The following GALNT13 variants were observed in gnomAD, a reference collection of about 807,000 sequenced individuals.
GALNT13 encodes polypeptide N-acetylgalactosaminyltransferase 13, also known as UDP-GalNAc:polypeptide N-acetylgalactosaminyltransferase 13.
Under a neutral mutation model 64.2 loss-of-function variants are expected in GALNT13, and 28 were observed. That is an observed-to-expected ratio of 0.44 (90% CI 0.32 to 0.60). The LOEUF is 0.60. Ranked by LOEUF, GALNT13 falls within the 20% of genes least tolerant of loss-of-function variation. The probability of loss-of-function intolerance (pLI) is 0.05; values close to 1 mark genes in which losing one functional copy is unlikely to be tolerated. For missense variants in GALNT13, 577 were observed against 669.8 expected, an observed-to-expected ratio of 0.86 and a Z score of 1.53; for synonymous variants, 214 against 224.6, an observed-to-expected ratio of 0.95 and a Z score of 0.42.
chr2:153,250,210 A>G, the GALNT13 span, among the ~76,000 whole-genome samples: 1 of 152,238 alleles, frequency 6.6e-6, no homozygotes, highest in Admixed American at 6.5e-5. Context: ...AACCCCATCA[A>G]AAAGTGGGCA....
chr2:154,304,025 A>G (rs1485144884), intron 9 of GALNT13, among the ~76,000 whole-genome samples: 1 of 152,088 alleles, frequency 6.6e-6, no homozygotes, highest in Non-Finnish European at 1.5e-5. Flanking sequence ...GAGTGCTGTG[A>G]TTACAGGCTT....
Position 154,452,768 on chromosome 2 carries a change from A to G in GALNT13, c.*2217A>G, listed in dbSNP as rs181701110. 12 of 152,312 alleles carry G rather than the reference A, an allele frequency of 7.9e-5. No homozygotes were observed. The highest frequency in any genetic ancestry group is 7.9e-4 in the Admixed American group (12 of 15,282). The allele number at this position is 152,312 out of a possible 1,614,324, so 9.4% of individuals were successfully genotyped here. A position where few individuals can be genotyped will look rare whatever the true frequency, so the allele number is the denominator to read the frequency against. Reference sequence around the variant, plus strand: ...CAAAAAGTGGCATAAAATATTACAAAACATCCAACACTAGAAAGCAATGAC... The same window carrying G: ...CAAAAAGTGGCATAAAATATTACAAGACATCCAACACTAGAAAGCAATGAC... On this transcript the variant is annotated 3_prime_UTR_variant, in exon 13 of 13. Coordinates refer to ENST00000392825, the MANE Select transcript of GALNT13 (RefSeq NM_052917.4).
the GALNT13 span, among the ~76,000 whole-genome samples, chr2:153,154,981 A>G: frequency 6.6e-6 from 1 of 152,222 alleles, no homozygotes; most frequent in Admixed American, 6.5e-5. Context: ...TCTATTGAGA[A>G]AATCATGTGG....
the GALNT13 span, among the ~76,000 whole-genome samples, chr2:153,276,780 A>G: frequency 1.3e-5 from 2 of 152,098 alleles, no homozygotes; most frequent in Non-Finnish European, 2.9e-5. Flanking sequence ...TGAATTATTT[A>G]TATATTCTAG....
the GALNT13 span, among the ~76,000 whole-genome samples, chr2:153,766,569 T>C: frequency 8.5e-5 from 13 of 152,156 alleles, 1 homozygote; most frequent in African/African-American, 2.4e-4. Context: ...CTTGGCTTAT[T>C]TTACTGGTTA....
chr2:153,899,933 A>T (rs201487471), intron 1 of GALNT13, among the ~76,000 whole-genome samples: 14,507 of 85,860 alleles, frequency 0.17, 1,422 homozygotes, highest in Non-Finnish European at 0.25. Context: ...ATATATATAT[A>T]TATTTTTTTT....
chr2:153,669,871 C>T, the GALNT13 span, among the ~76,000 whole-genome samples: 1 of 151,746 alleles, frequency 6.6e-6, no homozygotes, highest in Non-Finnish European at 1.5e-5. Context: ...AGATTCCCTC[C>T]TGTGCCTGGC....
At chr2:153,671,393 T>C in the GALNT13 span, among the ~76,000 whole-genome samples, 2 of 152,118 alleles carry the variant, frequency 1.3e-5, no homozygotes, top group African/African-American at 4.8e-5. Flanking sequence ...TGGGGGCCAA[T>C]ATTCAACATT....
the GALNT13 span, among the ~76,000 whole-genome samples, chr2:153,483,567 G>T: frequency 6.6e-6 from 1 of 151,678 alleles, no homozygotes; most frequent in Non-Finnish European, 1.5e-5. Context: ...CAGGTATGAG[G>T]CACCATGCCC....
chr2:154,363,999 C>T (rs1257770063), intron 9 of GALNT13, among the ~76,000 whole-genome samples: 1 of 152,138 alleles, frequency 6.6e-6, no homozygotes, highest in African/African-American at 2.4e-5. Context: ...AAAAATCCAT[C>T]ATCCTTGAAT....
the GALNT13 span, among the ~76,000 whole-genome samples, chr2:153,646,864 T>C: frequency 6.6e-6 from 1 of 152,174 alleles, no homozygotes; most frequent in African/African-American, 2.4e-5. Context: ...AGTCTATCAT[T>C]GTTGGACATT....
chr2:154,189,335 A>G (rs1196535596), intron 4 of GALNT13, among the ~76,000 whole-genome samples: 4 of 152,154 alleles, frequency 2.6e-5, no homozygotes, highest in African/African-American at 9.7e-5. Flanking sequence ...CTAACTTCCA[A>G]TGTCACTGTA....
chr2:153,910,412 G>GT (rs1268241525), intron 2 of GALNT13, among the ~76,000 whole-genome samples: 6 of 151,952 alleles, frequency 3.9e-5, no homozygotes, highest in South Asian at 2.1e-4. Context: ...CTTTTGAATG[G>GT]TTTTTTTATG....
At chr2:153,161,062 A>C in the GALNT13 span, among the ~76,000 whole-genome samples, 1 of 152,180 alleles carries the variant, frequency 6.6e-6, no homozygotes, top group Non-Finnish European at 1.5e-5. Flanking sequence ...TGCCATTTGA[A>C]CCACATTGTT....
chr2:153,853,478 A>T, the GALNT13 span, among the ~76,000 whole-genome samples: 1 of 152,160 alleles, frequency 6.6e-6, no homozygotes, highest in African/African-American at 2.4e-5. Context: ...ATAAATTGTC[A>T]TATAAATTAT....
At chr2:153,572,103 T>C in the GALNT13 span, among the ~76,000 whole-genome samples, 1 of 151,886 alleles carries the variant, frequency 6.6e-6, no homozygotes, top group East Asian at 1.9e-4. Context: ...GAGACTTTGT[T>C]ATCCCTTCGA....
chr2:153,913,658 G>A (rs1242653998), intron 2 of GALNT13, among the ~76,000 whole-genome samples: 1 of 152,212 alleles, frequency 6.6e-6, no homozygotes, highest in Non-Finnish European at 1.5e-5. Context: ...AGAGGGCTGT[G>A]ATGAGAGCAG....
the GALNT13 span, among the ~76,000 whole-genome samples, chr2:153,618,111 G>T: frequency 6.6e-6 from 1 of 151,680 alleles, no homozygotes; most frequent in East Asian, 1.9e-4. Context: ...AAGATATATT[G>T]TTGATTGTTT....
At chr2:154,012,886 A>G (rs1443800853) in intron 3 of GALNT13, among the ~76,000 whole-genome samples, 1 of 151,846 alleles carries the variant, frequency 6.6e-6, no homozygotes, top group Non-Finnish European at 1.5e-5. Context: ...GAATTATTGT[A>G]TTGTTTTTCA....
Sources: allele counts gnomAD v4.1 joint callset (sites outside exome capture counted in the v4.1 genomes callset), GRCh38; gene constraint gnomAD v4.1.1; transcripts MANE v1.5; gene names NCBI Gene and HGNC (gene_info 2026-07-23, HGNC 2026-07-21).